CDH23: variants seen among roughly 807,000 people sequenced by gnomAD.
CDH23 encodes cadherin-23.
CDH23 carries 189 observed loss-of-function variants against 317.1 expected under a neutral mutation model. The ratio of observed to expected loss-of-function variants is 0.60; its 90% CI spans 0.53 to 0.67. The LOEUF is 0.67. CDH23 is among the 30% of genes least tolerant of loss of function. CDH23 has a pLI of 0.00. For missense variants in CDH23, 4,401 were observed against 4,592.4 expected, an observed-to-expected ratio of 0.96 and a Z score of 1.20; for synonymous variants, 1,839 against 1,876.8, an observed-to-expected ratio of 0.98 and a Z score of 0.52.
intron 6 of CDH23, among the ~76,000 whole-genome samples, chr10:71,541,784 A>G (rs1315035901): frequency 1.3e-5 from 2 of 152,240 alleles, no homozygotes; most frequent in Non-Finnish European, 2.9e-5. Flanking sequence ...CTTGTGATAC[A>G]AAAGCAGCCA....
chr10:71,465,891 G>A (rs10823760), intron 3 of CDH23, among the ~76,000 whole-genome samples: 92,425 of 151,990 alleles, frequency 0.61, 28,497 homozygotes, highest in East Asian at 0.82. Flanking sequence ...AAACACCAGA[G>A]AGGAAAAATA....
intron 2 of CDH23, among the ~76,000 whole-genome samples, chr10:71,443,154 C>T (rs939440146): frequency 6.6e-6 from 1 of 152,204 alleles, no homozygotes; most frequent in African/African-American, 2.4e-5. Flanking sequence ...CAGCCCCCAC[C>T]ACCGCCCTGA....
At chr10:71,590,011 T>A (rs1859360610) in intron 9 of CDH23, among the ~76,000 whole-genome samples, 1 of 152,234 alleles carries the variant, frequency 6.6e-6, no homozygotes, top group South Asian at 2.1e-4. Flanking sequence ...AACTGGATAC[T>A]GAACCCAGCA....
At chr10:71,565,226 G>C (rs1857333627) in intron 6 of CDH23, among the ~76,000 whole-genome samples, 2 of 152,110 alleles carry the variant, frequency 1.3e-5, no homozygotes, top group Admixed American at 6.5e-5. Flanking sequence ...GTGGAAATAA[G>C]GGATGCTAAG....
chr10:71,453,373 C>T (rs575396285), intron 3 of CDH23, among the ~76,000 whole-genome samples: 55 of 152,350 alleles, frequency 3.6e-4, no homozygotes, highest in Non-Finnish European at 6.6e-4. Flanking sequence ...TCTCTGCAGA[C>T]GGAGGAGCGG....
Position 71,689,107 on chromosome 10 carries a change from T to C in CDH23, c.2060-1361T>C, listed in dbSNP as rs375399584. ...GGTGGTGGAGCCAGGGGTGGTGGAG[T>C]CAGGGGTGGTGGAGCCAGGGGTGGT... On this transcript the variant is annotated intron_variant, in intron 19 of 69. Transcript: ENST00000224721. Among the ~76,000 whole-genome samples the C allele has an allele frequency of 9.3e-3, 193 of 20,798 alleles. 8 individuals carry two copies. Among genetic ancestry groups the C allele is most frequent in the Admixed American group, 0.012 (26 of 2,154 alleles). The allele number at this position is 20,798 out of a possible 152,430, so 13.6% of individuals were successfully genotyped here. A position where few individuals can be genotyped will look rare whatever the true frequency, so the allele number is the denominator to read the frequency against.
At chr10:71,431,204 A>G (rs1849355180) in intron 1 of CDH23, among the ~76,000 whole-genome samples, 1 of 152,186 alleles carries the variant, frequency 6.6e-6, no homozygotes, top group African/African-American at 2.4e-5. Context: ...TTGCTGTATG[A>G]TATTTTTAAG....
At chr10:71,558,245 C>T (rs2132334053) in intron 6 of CDH23, among the ~76,000 whole-genome samples, 1 of 152,286 alleles carries the variant, frequency 6.6e-6, no homozygotes, top group South Asian at 2.1e-4. Context: ...GGTGATTCAC[C>T]TGCCTCGGCC....
intron 10 of CDH23, among the ~76,000 whole-genome samples, chr10:71,616,060 G>A (rs115604902): frequency 2.5e-4 from 38 of 152,358 alleles, no homozygotes; most frequent in African/African-American, 9.1e-4. Context: ...CAATGCAACA[G>A]CAATGTGCTG....
chr10:71,412,744 A>G (rs913671065), intron 1 of CDH23, among the ~76,000 whole-genome samples: 1 of 152,078 alleles, frequency 6.6e-6, no homozygotes. Flanking sequence ...TTTGATTTGC[A>G]TTTCCCTAAT....
At chr10:71,567,611 C>A (rs1353345404) in intron 7 of CDH23, among the ~76,000 whole-genome samples, 2 of 152,242 alleles carry the variant, frequency 1.3e-5, no homozygotes, top group Non-Finnish European at 2.9e-5. Context: ...ACCTCTCAGT[C>A]CAGTGCCCTG....
chr10:71,774,249 CCCTG>C (rs1468301183), intron 38 of CDH23, among the ~76,000 whole-genome samples: 1 of 136,366 alleles, frequency 7.3e-6, no homozygotes, highest in Non-Finnish European at 1.6e-5. Flanking sequence ...CGCCCTCCCT[CCCTG>C]GTGCCTGGAT....
chr10:71,516,076 A>T (rs1248166349), intron 6 of CDH23, among the ~76,000 whole-genome samples: 1 of 152,192 alleles, frequency 6.6e-6, no homozygotes, highest in African/African-American at 2.4e-5. Context: ...AATTTCCCAG[A>T]GGAAAGTCAA....
In CDH23 at chr10:71,777,755, G is replaced by A; in HGVS notation, c.4921G>A (p.Val1641Met). 6.2e-7 allele frequency: 1 copy of A among 1,613,776 alleles called. No homozygotes were observed. Among genetic ancestry groups the A allele is most frequent in the Non-Finnish European group, 8.5e-7 (1 of 1,179,826 alleles). Residue 1641 changes from valine to methionine, a missense_variant, in exon 39 of 70, where the codon GTG (valine) becomes ATG (methionine). Around this residue, in one of 3 missense-constraint regions of CDH23, gnomAD observed 3,068 missense variants for 3,203.3 expected, o/e 0.96. Transcript: ENST00000224721. ...CATGTTCCAGCAGCCCCACTATGAG[G>A]TGCTGCTGGATGAGGGCCCAGACAC... is the stretch of plus-strand genomic sequence containing the variant. ...APMFQQPHYE[V>M]LLDEGPDTLN...
intron 53 of CDH23, among the ~76,000 whole-genome samples, chr10:71,801,150 C>CTCTT (rs765969201): frequency 0.01 from 745 of 74,066 alleles, 30 homozygotes; most frequent in East Asian, 0.046. Flanking sequence ...CTCTCTCTCT[C>CTCTT]TTTTTTTTTT....
At chr10:71,567,398 G>C (rs1278547623) in intron 7 of CDH23, among the ~76,000 whole-genome samples, 2 of 152,222 alleles carry the variant, frequency 1.3e-5, no homozygotes, top group African/African-American at 4.8e-5. Context: ...AGGAGTTCAG[G>C]CATCCTGCCT....
intron 9 of CDH23, 147 bp from the exon 10 acceptor site, chr10:71,615,357 C>A: frequency 1.5e-6 from 1 of 687,200 alleles, no homozygotes; most frequent in Non-Finnish European, 2.6e-6. Context: ...CTTTCTATTA[C>A]TCTTGAACCA....
At chr10:71,470,823 T>A (rs1016970956) in intron 3 of CDH23, among the ~76,000 whole-genome samples, 1 of 152,226 alleles carries the variant, frequency 6.6e-6, no homozygotes, top group Non-Finnish European at 1.5e-5. Context: ...CTAATACTTA[T>A]GTGATAGTAT....
intron 28 of CDH23, among the ~76,000 whole-genome samples, chr10:71,720,657 C>T (rs1275609903): frequency 6.6e-6 from 1 of 152,224 alleles, no homozygotes; most frequent in Non-Finnish European, 1.5e-5. Context: ...TGGTTTTTAG[C>T]TGTTCCCTCC....
Sources: gnomAD v4.1 joint callset for allele counts (sites outside exome capture counted in the v4.1 genomes callset) on GRCh38, gnomAD v4.1.1 for gene constraint, gnomAD v4.1.1 regional missense constraint, MANE v1.5 for transcripts, NCBI Gene and HGNC (gene_info 2026-07-23, HGNC 2026-07-21) for gene names.